Variants in UBE2G1 observed in about 807,000 individuals in gnomAD.
The protein encoded by UBE2G1 is ubiquitin conjugating enzyme E2 G1, also known as ubiquitin-conjugating enzyme E2 G1.
Under a neutral mutation model 22.7 loss-of-function variants are expected in UBE2G1, and 5 were observed. The ratio of observed to expected loss-of-function variants is 0.22; its 90% confidence interval spans 0.12 to 0.46. UBE2G1 has a LOEUF of 0.46. Among genes scored for constraint, UBE2G1 ranks in the 20% least tolerant of loss-of-function variants. The pLI is 0.99. For synonymous variants in UBE2G1, 74 were observed against 67.5 expected (o/e 1.10, Z -0.47); for missense variants, 88 against 203.9 (o/e 0.43, Z 3.46).
At chr17:4,361,558 T>A (rs564240226) in intron 1 of UBE2G1, among the ~76,000 whole-genome samples, 14 of 151,782 alleles carry the variant, frequency 9.2e-5, no homozygotes, top group African/African-American at 2.9e-4. Flanking sequence ...AATAAATATA[T>A]AAAGTACTCA....
At chr17:4,336,679 A>G (rs940395067) in intron 1 of UBE2G1, among the ~76,000 whole-genome samples, 14 of 152,088 alleles carry the variant, frequency 9.2e-5, no homozygotes, top group African/African-American at 3.4e-4. Flanking sequence ...GGCATGCACC[A>G]CCACACCCAG....
At chr17:4,299,975 C>T (rs1969156045) in intron 2 of UBE2G1, among the ~76,000 whole-genome samples, 1 of 151,820 alleles carries the variant, frequency 6.6e-6, no homozygotes, top group Non-Finnish European at 1.5e-5. Flanking sequence ...TACAAGCGCA[C>T]ACCACCACGT....
At chr17:4,323,154 C>T (rs978083459) in intron 1 of UBE2G1, among the ~76,000 whole-genome samples, 10 of 152,202 alleles carry the variant, frequency 6.6e-5, no homozygotes, top group African/African-American at 2.4e-4. Flanking sequence ...AAAAATAGAC[C>T]TTTCTTAAAG....
At chr17:4,290,644 C>CTTTTTT (rs372483601) in intron 3 of UBE2G1, among the ~76,000 whole-genome samples, 1 of 138,258 alleles carries the variant, frequency 7.2e-6, no homozygotes, top group Non-Finnish European at 1.6e-5. Context: ...GCTAACCTGA[C>CTTTTTT]TTTTTTTTTT....
intron 1 of UBE2G1, among the ~76,000 whole-genome samples, chr17:4,317,342 C>T (rs1435998733): frequency 6.6e-6 from 1 of 151,936 alleles, no homozygotes; most frequent in Non-Finnish European, 1.5e-5. Context: ...AAGAGCGAGA[C>T]TTCGTCTCAA....
chr17:4,347,080 G>C (rs924655516), intron 1 of UBE2G1, among the ~76,000 whole-genome samples: 2 of 152,168 alleles, frequency 1.3e-5, no homozygotes, highest in African/African-American at 2.4e-5. Flanking sequence ...TTGAGCCCAG[G>C]AGGCGGAGGT....
chr17:4,342,577 C>A (rs867229092), intron 1 of UBE2G1, among the ~76,000 whole-genome samples: 1 of 152,126 alleles, frequency 6.6e-6, no homozygotes, highest in African/African-American at 2.4e-5. Context: ...CGAGATCCTG[C>A]CTCAAAGAAA....
chr17:4,333,323 AAAG>A (rs1323025441), intron 1 of UBE2G1, among the ~76,000 whole-genome samples: 1 of 152,176 alleles, frequency 6.6e-6, no homozygotes, highest in Non-Finnish European at 1.5e-5. Context: ...CATCATTTTA[AAAG>A]AAGAGAAGAA....
intron 2 of UBE2G1, among the ~76,000 whole-genome samples, chr17:4,297,159 C>G (rs1305539122): frequency 6.6e-6 from 1 of 152,226 alleles, no homozygotes; most frequent in African/African-American, 2.4e-5. Flanking sequence ...TCACCAATTT[C>G]TCTATGTTGA....
chr17:4,297,234 T>C (rs1347349100), intron 2 of UBE2G1, among the ~76,000 whole-genome samples: 1 of 152,222 alleles, frequency 6.6e-6, no homozygotes, highest in African/African-American at 2.4e-5. Flanking sequence ...TCTCAAAACT[T>C]ATGGACATTT....
At chr17:4,303,933 A>G (rs1206195381) in intron 2 of UBE2G1, among the ~76,000 whole-genome samples, 1 of 152,220 alleles carries the variant, frequency 6.6e-6, no homozygotes, top group African/African-American at 2.4e-5. Flanking sequence ...GATGAAAGGA[A>G]AAGAGAGATA....
chr17:4,283,756 G>A (rs959388830), intron 4 of UBE2G1, among the ~76,000 whole-genome samples: 1 of 151,998 alleles, frequency 6.6e-6, no homozygotes, highest in African/African-American at 2.4e-5. Flanking sequence ...GGAGAGAGAG[G>A]AGTTGGAGGA....
Position 4,337,455 on chromosome 17 carries a change from C to A in UBE2G1, c.46+28816G>T, listed in dbSNP as rs557031059. ...ATCACCTGAGGTCAGGGGTTCGAAA[C>A]CAGCCTGGCCAACACGGTGAAACCC... On this transcript the variant is annotated intron_variant, in intron 1 of 5. Transcript: ENST00000396981. 3.4e-4 allele frequency among the ~76,000 whole-genome samples: 51 copies of A among 151,616 alleles called. No individual in the cohort carries two copies. The South Asian group carries it at 9.8e-3, about 29-fold the overall frequency.
chr17:4,366,419 G>T lies in UBE2G1; in HGVS notation c.-103C>A. ...GTGTGCCGAGGAACCCGGGCCCCGC[G>T]ACCGGAGCGCCGGAGCCGAGGAAGG... On this transcript the variant is annotated 5_prime_UTR_variant, in exon 1 of 6. Coordinates refer to ENST00000396981, the MANE Select transcript of UBE2G1 (RefSeq NM_003342.5). 1 of 1,218,048 alleles carries T rather than the reference G, an allele frequency of 8.2e-7. No individual in the cohort carries two copies. Among genetic ancestry groups the T allele is most frequent in the Non-Finnish European group, 1.1e-6 (1 of 942,714 alleles). 75.5% of individuals were successfully genotyped at this position (1,218,048 alleles called of 1,614,324 possible).
chr17:4,272,616 C>G (rs1322208367), intron 5 of UBE2G1, 100 bp from the exon 6 acceptor site: 1 of 186,380 alleles, frequency 5.4e-6, no homozygotes, highest in Non-Finnish European at 1.1e-5. Flanking sequence ...GACAACAAAT[C>G]CTTAATTTCA....
At chr17:4,328,838 G>A (rs578110239) in intron 1 of UBE2G1, among the ~76,000 whole-genome samples, 12 of 152,252 alleles carry the variant, frequency 7.9e-5, no homozygotes, top group South Asian at 2.1e-4. Flanking sequence ...TGTAATCCCC[G>A]CACTTTGGGA....
chr17:4,336,096 G>A (rs756911010), intron 1 of UBE2G1, among the ~76,000 whole-genome samples: 2 of 152,046 alleles, frequency 1.3e-5, no homozygotes, highest in African/African-American at 2.4e-5. Context: ...CAGTGAGCCC[G>A]AGATCATGCC....
chr17:4,325,859 T>G (rs1327357883), intron 1 of UBE2G1, among the ~76,000 whole-genome samples: 2 of 152,156 alleles, frequency 1.3e-5, no homozygotes, highest in Non-Finnish European at 2.9e-5. Context: ...ACTAGACCGC[T>G]CAATGAGGAA....
intron 1 of UBE2G1, among the ~76,000 whole-genome samples, chr17:4,336,516 T>A (rs1178977892): frequency 6.6e-6 from 1 of 152,146 alleles, no homozygotes; most frequent in Non-Finnish European, 1.5e-5. Flanking sequence ...AAAATTTTCA[T>A]AATATATAGT....
Sources: allele counts gnomAD v4.1 joint callset (sites outside exome capture counted in the v4.1 genomes callset), GRCh38; gene constraint gnomAD v4.1.1; transcripts MANE v1.5; gene names NCBI Gene and HGNC (gene_info 2026-07-23, HGNC 2026-07-21).